The following APBA2 variants were observed in gnomAD, a reference collection of about 807,000 sequenced individuals.
APBA2 encodes the protein amyloid beta precursor protein binding family A member 2.
In APBA2, 30 loss-of-function variants were observed where a neutral mutation model predicts 75.0. The ratio of observed to expected loss-of-function variants is 0.40; its 90% CI spans 0.30 to 0.54. APBA2 has a LOEUF of 0.54. APBA2 is among the 20% of genes least tolerant of loss of function. APBA2 has a pLI of 0.49. For synonymous variants in APBA2, 444 were observed against 409.6 expected, an observed-to-expected ratio of 1.08 and a Z score of -1.01; for missense variants, 801 against 1,016.1, an observed-to-expected ratio of 0.79 and a Z score of 2.88.
chr15:28,924,095 A>G (rs903507425), intron 2 of APBA2, among the ~76,000 whole-genome samples: 1 of 152,174 alleles, frequency 6.6e-6, no homozygotes, highest in African/African-American at 2.4e-5. Flanking sequence ...ACAGTGTCCC[A>G]CGAGGACAGA....
At chr15:28,996,619 C>T (rs1407466747) in intron 3 of APBA2, among the ~76,000 whole-genome samples, 2 of 152,036 alleles carry the variant, frequency 1.3e-5, no homozygotes, top group Non-Finnish European at 2.9e-5. Flanking sequence ...CAGGGTGGGG[C>T]GTGTTTGGAG....
chr15:28,922,756 T>C (rs1284829403), intron 2 of APBA2, among the ~76,000 whole-genome samples: 1 of 152,168 alleles, frequency 6.6e-6, no homozygotes, highest in East Asian at 1.9e-4. Flanking sequence ...GGAGACATCC[T>C]AACCTGCCCA....
At chr15:28,936,196 G>T (rs538915868) in intron 2 of APBA2, among the ~76,000 whole-genome samples, 1 of 152,264 alleles carries the variant, frequency 6.6e-6, no homozygotes, top group East Asian at 1.9e-4. Context: ...TCCTCCAGTT[G>T]TGCCCCATAG....
At chr15:28,900,221 A>G (rs143755974) in intron 1 of APBA2, among the ~76,000 whole-genome samples, 10,027 of 152,228 alleles carry the variant, frequency 0.066, 980 homozygotes, top group African/African-American at 0.21. Flanking sequence ...CTTCGGGCTC[A>G]TCAGACCTGA....
intron 1 of APBA2, among the ~76,000 whole-genome samples, chr15:28,917,720 A>G (rs1452365451): frequency 1.3e-5 from 2 of 152,134 alleles, no homozygotes; most frequent in African/African-American, 4.8e-5. Context: ...TGTATATTTT[A>G]TGAGTTTTGA....
At chr15:28,892,118 A>G (rs908691753) in intron 1 of APBA2, among the ~76,000 whole-genome samples, 5 of 152,190 alleles carry the variant, frequency 3.3e-5, no homozygotes, top group African/African-American at 1.2e-4. Context: ...CCTGTCACCC[A>G]GGCTGGAGTG....
chr15:28,894,685 T>C (rs775196539), intron 1 of APBA2, among the ~76,000 whole-genome samples: 32 of 152,096 alleles, frequency 2.1e-4, no homozygotes, highest in Non-Finnish European at 3.5e-4. Context: ...TGCTGTGGGT[T>C]GGGAGCGAAG....
intron 4 of APBA2, among the ~76,000 whole-genome samples, chr15:29,055,417 A>G (rs1373708730): frequency 6.6e-6 from 1 of 152,232 alleles, no homozygotes; most frequent in African/African-American, 2.4e-5. Flanking sequence ...TCGGGGAAGA[A>G]ACGCATGCTA....
chr15:28,987,606 A>G (rs2037989280), intron 2 of APBA2, among the ~76,000 whole-genome samples: 1 of 151,696 alleles, frequency 6.6e-6, no homozygotes, highest in African/African-American at 2.4e-5. Context: ...CTCATTAGTC[A>G]TACACTGTCA....
intron 1 of APBA2, among the ~76,000 whole-genome samples, chr15:28,917,295 T>C (rs1022249146): frequency 2.0e-5 from 3 of 152,038 alleles, no homozygotes; most frequent in Middle Eastern, 3.4e-3. Context: ...ATGAGGGGGG[T>C]TGAGATGGTA....
At chr15:29,012,714 G>A (rs1314122321) in intron 3 of APBA2, among the ~76,000 whole-genome samples, 1 of 152,098 alleles carries the variant, frequency 6.6e-6, no homozygotes, top group East Asian at 1.9e-4. Context: ...CTAAGATAGT[G>A]GACTCACCCC....
rs185498079 is a variant in APBA2 at position 28,971,229 on chromosome 15, T to A, written c.-94-24524T>A. 4.1e-3 allele frequency among the ~76,000 whole-genome samples: 630 copies of A among 152,304 alleles called. 6 individuals carry two copies. The highest frequency in any genetic ancestry group is 0.015 in the African/African-American group (608 of 41,556). ...TTCTGTCTGTGCTTGCCATTTTTTT[T>A]AATCACGATTGGATAAGGGGGGATC... On this transcript the variant is annotated intron_variant, in intron 2 of 14. Coordinates refer to ENST00000683413, the MANE Select transcript of APBA2 (RefSeq NM_001353788.2).
chr15:29,105,850 A>G (rs1376003414), intron 11 of APBA2, among the ~76,000 whole-genome samples: 2 of 152,258 alleles, frequency 1.3e-5, no homozygotes, highest in East Asian at 3.8e-4. Flanking sequence ...GATATTTCTG[A>G]AAAGCATGTG....
intron 3 of APBA2, among the ~76,000 whole-genome samples, chr15:29,029,087 C>T (rs1330622477): frequency 6.6e-6 from 1 of 152,058 alleles, no homozygotes; most frequent in Non-Finnish European, 1.5e-5. Flanking sequence ...TTGCTGGTGC[C>T]TATGTCCTGA....
intron 2 of APBA2, among the ~76,000 whole-genome samples, chr15:28,929,562 G>A (rs1471541561): frequency 1.3e-5 from 2 of 152,278 alleles, no homozygotes; most frequent in African/African-American, 4.8e-5. Flanking sequence ...CTTCCCTGGG[G>A]CAACAGCGTT....
At chr15:29,055,716 G>A (rs2041855862) in intron 4 of APBA2, among the ~76,000 whole-genome samples, 2 of 142,034 alleles carry the variant, frequency 1.4e-5, no homozygotes, top group African/African-American at 2.7e-5. Context: ...TGTGTGTACT[G>A]AGAGCTTGGG....
chr15:29,097,333 G>A (rs1287265067), intron 8 of APBA2, among the ~76,000 whole-genome samples: 2 of 152,364 alleles, frequency 1.3e-5, no homozygotes, highest in East Asian at 1.9e-4. Flanking sequence ...AGACCCAGGC[G>A]TCCCGCCCCA....
intron 3 of APBA2, among the ~76,000 whole-genome samples, chr15:29,003,445 T>C (rs2038954996): frequency 6.6e-6 from 1 of 152,192 alleles, no homozygotes; most frequent in African/African-American, 2.4e-5. Flanking sequence ...CTCTTGCTGT[T>C]TGAGGAAAGA....
chr15:28,940,348 TAAAAATACAA>T (rs2035127877), intron 2 of APBA2, among the ~76,000 whole-genome samples: 1 of 18,482 alleles, frequency 5.4e-5, no homozygotes, highest in African/African-American at 1.5e-4. Context: ...CCGTCTCTAC[TAAAAATACAA>T]AAAAAAAAAA....
Sources: allele counts gnomAD v4.1 joint callset (sites outside exome capture counted in the v4.1 genomes callset), GRCh38; gene constraint gnomAD v4.1.1; transcripts MANE v1.5; gene names NCBI Gene and HGNC (gene_info 2026-07-23, HGNC 2026-07-21).